Variants in AAAS observed in about 807,000 individuals in gnomAD.
AAAS encodes the protein aladin.
AAAS carries 60 observed loss-of-function variants against 75.6 expected under a neutral mutation model. That is an observed-to-expected ratio of 0.79 (90% CI 0.64 to 0.98). The LOEUF (loss-of-function observed/expected upper bound fraction) is 0.98. Among genes scored for constraint, AAAS ranks in the 50% least tolerant of loss-of-function variants. The probability of loss-of-function intolerance (pLI) is 0.00; values close to 1 mark genes in which losing one functional copy is unlikely to be tolerated. For synonymous variants in AAAS, 271 were observed against 265.0 expected (o/e 1.02, Z -0.22); for missense variants, 658 against 686.9 (o/e 0.96, Z 0.47).
intron 7 of AAAS, 151 bp downstream of exon 7, chr12:53,314,147 G>A: frequency 8.6e-7 from 1 of 1,168,610 alleles, no homozygotes; most frequent in Non-Finnish European, 1.3e-6. Context: ...AGTATTCTCA[G>A]CAACCCACCT....
chr12:53,308,396 C>T (rs377723698), intron 12 of AAAS, 39 bp downstream of exon 12: 1 of 1,614,006 alleles, frequency 6.2e-7, no homozygotes, highest in African/African-American at 1.3e-5. Context: ...GTCCCTCCCA[C>T]CTGCTTTTCA....
At position 53,308,191 on chromosome 12, in the gene AAAS, T is replaced by TG. The variant is rs964870084; in HGVS notation, c.1250-59dup. The TG allele has an allele frequency of 6.2e-6, 10 of 1,611,644 alleles. No individual in the cohort carries two copies. The African/African-American group carries it at 1.2e-4, about 19-fold the overall frequency. On this transcript the variant is annotated intron_variant, in intron 13 of 15. Coordinates refer to ENST00000209873, the MANE Select transcript of AAAS (RefSeq NM_015665.6). ...ACTCTGAAGGCAGAGTCCCAGGACA[T>TG]GGGCAGAGGAGAACTCCAGGCCAGG...
At chr12:53,308,925 C>T in intron 10 of AAAS, 35 bp downstream of exon 10, 2 of 1,614,062 alleles carry the variant, frequency 1.2e-6, no homozygotes, top group South Asian at 1.1e-5. Context: ...GAATCATCTC[C>T]TCCCCAGTGT....
At chr12:53,320,855 G>A (rs1944542836) in intron 1 of AAAS, 163 bp from the exon 2 acceptor site, 1 of 772,528 alleles carries the variant, frequency 1.3e-6, no homozygotes, top group African/African-American at 1.7e-5. Flanking sequence ...ACAAGTCTTA[G>A]CTCCCGTATC....
Position 53,314,812 on chromosome 12 carries a change from G to A in AAAS, c.484C>T (p.His162Tyr). 1 of 1,613,916 alleles carries A rather than the reference G, an allele frequency of 6.2e-7. No homozygotes were observed. Among genetic ancestry groups the A allele is most frequent in the Non-Finnish European group, 8.5e-7 (1 of 1,179,966 alleles). ...AGGGCCACTGCAAACTTGTTGGTGT[G>A]GGGGTGCCATGCAAAGACACGCAAG... The part of the protein sequence containing the change: ...CCLRVFAWHP[H>Y]TNKFAVALLD... Residue 162 changes from histidine (H) to tyrosine (Y), a missense_variant, in exon 6 of 16, where the codon CAC (histidine) becomes TAC (tyrosine). Coordinates refer to ENST00000209873, the MANE Select transcript of AAAS (RefSeq NM_015665.6).
intron 2 of AAAS, among the ~76,000 whole-genome samples, chr12:53,318,257 T>C (rs917007555): frequency 4.2e-5 from 6 of 141,498 alleles, no homozygotes; most frequent in South Asian, 2.4e-4. Flanking sequence ...TGTGTGTGTG[T>C]GTGTGTGTGT....
chr12:53,320,983 T>C, intron 1 of AAAS: 1 of 535,250 alleles, frequency 1.9e-6, no homozygotes, highest in Non-Finnish European at 3.3e-6. Flanking sequence ...AATGTCAGTT[T>C]CCCTTCCTTG....
At chr12:53,319,020 T>G (rs1944511026) in intron 2 of AAAS, among the ~76,000 whole-genome samples, 1 of 152,164 alleles carries the variant, frequency 6.6e-6, no homozygotes, top group Non-Finnish European at 1.5e-5. Flanking sequence ...ACAGCACATG[T>G]GTTGGAAAAC....
rs766542823 is a variant in AAAS at position 53,309,207 on chromosome 12, C to A, written c.885G>T (p.Trp295Cys). Residue 295 changes from tryptophan to cysteine, a missense_variant, in exon 9 of 16, where the codon TGG becomes TGT. Coordinates refer to ENST00000209873, the MANE Select transcript of AAAS (RefSeq NM_015665.6). ...FRGGGVTNLL[W>C]SPDGSKILAT... The stretch of plus-strand genomic sequence containing the variant: ...CCAGGATTTTGCTGCCGTCTGGGGA[C>A]CAGAGCAGGTTGGTCACCCCACCTC... The A allele has an allele frequency of 1.9e-6, 3 of 1,614,010 alleles. No homozygotes were observed. In the African/African-American group the frequency reaches 4.0e-5, roughly 22 times the overall value.
intron 7 of AAAS, among the ~76,000 whole-genome samples, chr12:53,310,550 C>A (rs1353655192): frequency 6.7e-6 from 1 of 149,556 alleles, no homozygotes; most frequent in Non-Finnish European, 1.5e-5. Flanking sequence ...CAGAGCGAGA[C>A]TCCGTCTCAA....
Position 53,308,081 on chromosome 12 carries a change from T to C in AAAS, c.1302A>G (p.Arg434=). 1.2e-6 allele frequency: 2 copies of C among 1,614,158 alleles called. No individual in the cohort carries two copies. The highest frequency in any genetic ancestry group is 2.2e-5 in the East Asian group (1 of 44,884). ...GKPVILLFRT[R]NSPVFELLPC... is the part of the protein sequence containing the mutation. ...GAAGGAGCTCAAACACAGGGCTGTT[T>C]CGAGTGCGAAAAAGGAGGATGACTG... Residue 434 remains arginine (R), a synonymous_variant, in exon 14 of 16, where the codon CGA becomes CGG. Transcript: ENST00000209873.
At chr12:53,319,881 G>A (rs937619944) in intron 2 of AAAS, among the ~76,000 whole-genome samples, 11 of 151,666 alleles carry the variant, frequency 7.3e-5, no homozygotes, top group Non-Finnish European at 1.2e-4. Context: ...AGCACTTTGG[G>A]AGGCCAAGGC....
At chr12:53,314,161 TCTTA>T in intron 7 of AAAS, 133 bp downstream of exon 7, 1 of 1,302,754 alleles carries the variant, frequency 7.7e-7, no homozygotes, top group African/African-American at 1.5e-5. Context: ...CCCACCTTGA[TCTTA>T]CTTCTGCTTT....
intron 2 of AAAS, among the ~76,000 whole-genome samples, chr12:53,317,838 T>TATGCTAATTTG (rs1226689899): frequency 1.3e-5 from 2 of 152,044 alleles, no homozygotes; most frequent in Non-Finnish European, 2.9e-5. Flanking sequence ...TTGAGAGATT[T>TATGCTAATTTG]AGGAATTAGC....
chr12:53,315,106 T>C lies in AAAS; in HGVS notation c.434A>G (p.Gln145Arg). The C allele has an allele frequency of 6.2e-7, 1 of 1,614,122 alleles. No individual in the cohort carries two copies. Among genetic ancestry groups the C allele is most frequent in the South Asian group, 1.1e-5 (1 of 91,084 alleles). Residue 145 changes from glutamine (Q) to arginine (R), a missense_variant, in exon 5 of 16, where the codon CAA (glutamine) becomes CGA (arginine). Physicochemically the swap from Gln to Arg is conservative, Grantham distance 43. Transcript: ENST00000209873. The part of the protein sequence containing the change: ...RSEDLIAEFA[Q>R]VTNWSSCCLR... ...CTTGTGCACTCACCAATTTGTGACT[T>C]GGGCAAATTCAGCGATCAGATCTTC... is the stretch of plus-strand genomic sequence containing the variant.
At chr12:53,315,642 A>G (rs1944450440) in intron 3 of AAAS, 85 bp downstream of exon 3, 3 of 1,514,876 alleles carry the variant, frequency 2.0e-6, no homozygotes, top group East Asian at 2.3e-5. Context: ...AAAGAGGCTG[A>G]GCCAACAGGT....
chr12:53,308,446 A>G lies in AAAS; in HGVS notation c.1170T>C (p.Asp390=), dbSNP rs1436097051. 6.2e-7 allele frequency: 1 copy of G among 1,613,964 alleles called. No homozygotes were observed. Among genetic ancestry groups the G allele is most frequent in the East Asian group, 2.2e-5 (1 of 44,894 alleles). Residue 390 remains aspartate, a synonymous_variant, in exon 12 of 16, where the codon GAT becomes GAC. Coordinates refer to ENST00000209873, the MANE Select transcript of AAAS (RefSeq NM_015665.6). Reference sequence around the variant, plus strand: ...ACCACTCAGCTCACCTCTCCTCACCATCTGGTGTCTGTATTGTTGTCTCAG... The same window carrying G: ...ACCACTCAGCTCACCTCTCCTCACCGTCTGGTGTCTGTATTGTTGTCTCAG... The part of the protein sequence containing the change: ...DLSETTIQTP[D]GEERLGGEAH...
chr12:53,315,215 T>C, intron 4 of AAAS, 75 bp from the exon 5 acceptor site: 1 of 1,599,768 alleles, frequency 6.3e-7, no homozygotes, highest in Non-Finnish European at 8.6e-7. Flanking sequence ...ACAGGGGAGC[T>C]GGACCACTCC....
intron 7 of AAAS, among the ~76,000 whole-genome samples, chr12:53,312,866 T>A (rs1345246162): frequency 4.1e-5 from 6 of 147,070 alleles, no homozygotes; most frequent in Admixed American, 3.4e-4. Context: ...ATATATATTT[T>A]TTTTTTTTGA....
Sources: allele counts gnomAD v4.1 joint callset (sites outside exome capture counted in the v4.1 genomes callset), GRCh38; gene constraint gnomAD v4.1.1; transcripts MANE v1.5; gene names NCBI Gene and HGNC (gene_info 2026-07-23, HGNC 2026-07-21).